The following ROBO1 variants were observed in gnomAD, a reference collection of about 807,000 sequenced individuals.
ROBO1 encodes roundabout guidance receptor 1, also known as roundabout homolog 1.
ROBO1 carries 149 observed loss-of-function variants against 195.9 expected under a neutral mutation model. The observed-to-expected ratio is 0.76, with a 90% CI of 0.67 to 0.87. The LOEUF is 0.87. Among genes scored for constraint, ROBO1 ranks in the 40% least tolerant of loss-of-function variants. The probability of loss-of-function intolerance (pLI) is 0.00; values close to 1 mark genes in which losing one functional copy is unlikely to be tolerated. For synonymous variants in ROBO1, 816 were observed against 733.2 expected (o/e 1.11, Z -1.82); for missense variants, 1,933 against 2,068.3 (o/e 0.93, Z 1.27).
intron 8 of ROBO1, among the ~76,000 whole-genome samples, chr3:78,698,201 A>G: frequency 6.6e-6 from 1 of 152,212 alleles, no homozygotes; most frequent in East Asian, 1.9e-4. Flanking sequence ...TTCAAATACA[A>G]GAGCCCAAAT....
intron 2 of ROBO1, among the ~76,000 whole-genome samples, chr3:79,519,335 A>G (rs1047101217): frequency 1.3e-5 from 2 of 152,062 alleles, no homozygotes; most frequent in Non-Finnish European, 2.9e-5. Flanking sequence ...AATAGTTCTC[A>G]CTATAAGAAG....
intron 2 of ROBO1, among the ~76,000 whole-genome samples, chr3:79,504,038 A>G (rs1484456571): frequency 6.6e-6 from 1 of 152,156 alleles, no homozygotes; most frequent in Non-Finnish European, 1.5e-5. Flanking sequence ...ATAAACTCAC[A>G]TGCAATAGTA....
chr3:79,358,587 C>T (rs1324023326), intron 2 of ROBO1, among the ~76,000 whole-genome samples: 1 of 151,976 alleles, frequency 6.6e-6, no homozygotes, highest in Non-Finnish European at 1.5e-5. Context: ...GTATGGGAAT[C>T]CAAGGTGTGT....
At chr3:79,091,601 A>G (rs114592234) in intron 3 of ROBO1, among the ~76,000 whole-genome samples, 2,109 of 152,222 alleles carry the variant, frequency 0.014, 57 homozygotes, top group African/African-American at 0.049. Flanking sequence ...GAAACAAGCG[A>G]AAGAAAAATA....
chr3:79,696,661 A>T (rs1453619650), intron 1 of ROBO1, among the ~76,000 whole-genome samples: 1 of 151,428 alleles, frequency 6.6e-6, no homozygotes. Flanking sequence ...TCTCTAAAAA[A>T]GGAGGCAGAG....
chr3:79,355,766 TC>T (rs1473260356), intron 2 of ROBO1, among the ~76,000 whole-genome samples: 16 of 152,194 alleles, frequency 1.1e-4, no homozygotes, highest in African/African-American at 2.9e-4. Context: ...TGAATAGTGT[TC>T]CATTATGTAT....
chr3:79,088,646 A>T (rs2079420195), intron 3 of ROBO1, among the ~76,000 whole-genome samples: 1 of 152,138 alleles, frequency 6.6e-6, no homozygotes, highest in Non-Finnish European at 1.5e-5. Context: ...ACAGGGGAAC[A>T]CTCAGTATTC....
At chr3:78,755,324 A>G (rs1321530877) in intron 4 of ROBO1, among the ~76,000 whole-genome samples, 2 of 152,080 alleles carry the variant, frequency 1.3e-5, no homozygotes, top group African/African-American at 4.8e-5. Context: ...AATGTACAAA[A>G]TTAGCTAGGC....
intron 2 of ROBO1, among the ~76,000 whole-genome samples, chr3:79,353,183 A>G (rs36053959): frequency 0.034 from 5,195 of 152,250 alleles, 138 homozygotes; most frequent in Non-Finnish European, 0.052. Context: ...CATTTATTCA[A>G]TCTCAAAATG....
At chr3:79,074,141 T>G (rs2079132766) in intron 3 of ROBO1, among the ~76,000 whole-genome samples, 1 of 151,778 alleles carries the variant, frequency 6.6e-6, no homozygotes, top group South Asian at 2.1e-4. Flanking sequence ...TTGGGATCCC[T>G]TTCAGATTTG....
Position 78,614,647 on chromosome 3 carries a change from C to T in ROBO1, c.4435+1G>A, listed in dbSNP as rs752250535. The T allele has an allele frequency of 1.9e-6, 3 of 1,613,330 alleles. No homozygotes were observed. The highest frequency in any genetic ancestry group is 1.7e-5 in the Admixed American group (1 of 59,988). On this transcript the variant is annotated splice_donor_variant, in intron 28 of 30. Transcript: ENST00000464233. LOFTEE classifies it high-confidence loss of function. ...GTTTTCATCCGTGTCAATGGACTCACCATCTGTGTAGGTTTCTCTGCGCAG... is the reference window on the plus strand; with the variant it reads ...GTTTTCATCCGTGTCAATGGACTCATCATCTGTGTAGGTTTCTCTGCGCAG...
intron 2 of ROBO1, among the ~76,000 whole-genome samples, chr3:79,479,543 G>A (rs1420909414): frequency 1.3e-5 from 2 of 152,098 alleles, no homozygotes; most frequent in Non-Finnish European, 2.9e-5. Flanking sequence ...CAATAGGAGC[G>A]ACGCATAGGA....
chr3:79,393,217 G>A (rs916341362), intron 2 of ROBO1, among the ~76,000 whole-genome samples: 2 of 152,198 alleles, frequency 1.3e-5, no homozygotes, highest in African/African-American at 2.4e-5. Context: ...ATGGATGAAT[G>A]CTGGTGTAGA....
In ROBO1 at chr3:79,601,785, C is replaced by T. The variant is rs564992798; in HGVS notation, c.-50-11824G>A. Among the ~76,000 whole-genome samples, 36 of 152,008 alleles carry T rather than the reference C, an allele frequency of 2.4e-4. No individual in the cohort carries two copies. In the South Asian group the frequency reaches 6.8e-3, roughly 29 times the overall value. ...GCAAAATGTACTCAGTTTTTGTTCA[C>T]ATTTGCTTTCATTTTGTACACAAAT... On this transcript the variant is annotated intron_variant, in intron 1 of 30. Coordinates refer to ENST00000464233, the MANE Select transcript of ROBO1 (RefSeq NM_002941.4).
chr3:79,349,839 T>C (rs2035271928), intron 2 of ROBO1, among the ~76,000 whole-genome samples: 1 of 152,142 alleles, frequency 6.6e-6, no homozygotes, highest in Non-Finnish European at 1.5e-5. Flanking sequence ...ATGAAAACTA[T>C]AAAATTCTTA....
chr3:78,727,769 T>C (rs2108162572), intron 5 of ROBO1, among the ~76,000 whole-genome samples: 1 of 152,356 alleles, frequency 6.6e-6, no homozygotes, highest in South Asian at 2.1e-4. Context: ...TGTAAATTGT[T>C]CATAAATCGA....
rs923866111 is a variant in ROBO1 at position 79,240,305 on chromosome 3, T to C, written c.89-114766A>G. 7.2e-5 allele frequency among the ~76,000 whole-genome samples: 11 copies of C among 152,286 alleles called. 1 individual carries two copies. The South Asian group carries it at 2.3e-3, about 32-fold the overall frequency. On this transcript the variant is annotated intron_variant, in intron 2 of 30. Coordinates refer to ENST00000464233, the MANE Select transcript of ROBO1 (RefSeq NM_002941.4). ...CCTACGTTGTTGCAAATGACTAGGATTTCCTTCTTTTTAAAAATTGAATAG... is the reference window on the plus strand; with the variant it reads ...CCTACGTTGTTGCAAATGACTAGGACTTCCTTCTTTTTAAAAATTGAATAG...
At chr3:78,729,774 C>G (rs1220849089) in intron 5 of ROBO1, among the ~76,000 whole-genome samples, 1 of 152,148 alleles carries the variant, frequency 6.6e-6, no homozygotes, top group African/African-American at 2.4e-5. Flanking sequence ...AGTAAGAAAG[C>G]TAATTGATTT....
In ROBO1 at chr3:78,725,934, ATT is replaced by A. The variant is rs5850389; in HGVS notation, c.658-8053_658-8052del. ...GATTTGCAGTATCTGTTACACAGGA[ATT>A]TTTTTTTTTTTTCAGACATCACCCC... On this transcript the variant is annotated intron_variant, in intron 5 of 30. Transcript: ENST00000464233. Among the ~76,000 whole-genome samples, 1,286 of 147,500 alleles carry A rather than the reference ATT, an allele frequency of 8.7e-3. 17 individuals are homozygous for A. Among genetic ancestry groups the A allele is most frequent in the African/African-American group, 0.026 (1,031 of 40,364 alleles).
Sources: allele counts gnomAD v4.1 joint callset (sites outside exome capture counted in the v4.1 genomes callset), GRCh38; gene constraint gnomAD v4.1.1; transcripts MANE v1.5; gene names NCBI Gene and HGNC (gene_info 2026-07-23, HGNC 2026-07-21).